PARD3: variants seen among roughly 807,000 people sequenced by gnomAD.
PARD3 encodes the protein partitioning defective 3 homolog.
PARD3 carries 75 observed loss-of-function variants against 155.4 expected under a neutral mutation model. The observed-to-expected ratio is 0.48, with a 90% CI of 0.40 to 0.58. The LOEUF is 0.58. PARD3 is among the 20% of genes least tolerant of loss of function. The probability of loss-of-function intolerance (pLI) is 0.00; values close to 1 mark genes in which losing one functional copy is unlikely to be tolerated. For synonymous variants in PARD3, 576 were observed against 610.5 expected (o/e 0.94, Z 0.83); for missense variants, 1,642 against 1,721.7 (o/e 0.95, Z 0.82).
In PARD3 at chr10:34,457,346, G is replaced by A. The variant is rs141864731; in HGVS notation, c.583-6898C>T. 3.8e-3 allele frequency among the ~76,000 whole-genome samples: 579 copies of A among 152,284 alleles called. 2 individuals are homozygous for A. Among genetic ancestry groups the A allele is most frequent in the African/African-American group, 0.013 (542 of 41,558 alleles). ...GACCAGCAAAACTCAACCACATCCAGGATGCTCGTTTGAACCAATTTTCTC... is the reference window on the plus strand; with the variant it reads ...GACCAGCAAAACTCAACCACATCCAAGATGCTCGTTTGAACCAATTTTCTC... On this transcript the variant is annotated intron_variant, in intron 4 of 24. Coordinates refer to ENST00000374788, the MANE Select transcript of PARD3 (RefSeq NM_001184785.2).
chr10:34,688,637 C>A (rs2093993335), intron 2 of PARD3, among the ~76,000 whole-genome samples: 1 of 152,134 alleles, frequency 6.6e-6, no homozygotes. Context: ...GAAAATCAAA[C>A]CTACTCCAAG....
At chr10:34,366,023 T>C (rs1328850980) in intron 12 of PARD3, among the ~76,000 whole-genome samples, 1 of 152,244 alleles carries the variant, frequency 6.6e-6, no homozygotes, top group Non-Finnish European at 1.5e-5. Context: ...TACACATGAC[T>C]GAATTTTCTA....
intron 2 of PARD3, among the ~76,000 whole-genome samples, chr10:34,637,156 T>C (rs2092507243): frequency 6.6e-6 from 1 of 152,244 alleles, no homozygotes; most frequent in Non-Finnish European, 1.5e-5. Context: ...AAAATAAACC[T>C]GTTAGCCAGG....
chr10:34,776,356 T>TA (rs1456385604), intron 1 of PARD3, among the ~76,000 whole-genome samples: 4 of 152,146 alleles, frequency 2.6e-5, no homozygotes, highest in Non-Finnish European at 5.9e-5. Flanking sequence ...GACACTAACA[T>TA]ACGACAATCT....
intron 1 of PARD3, among the ~76,000 whole-genome samples, chr10:34,712,068 G>A (rs1341111373): frequency 6.6e-6 from 1 of 152,154 alleles, no homozygotes; most frequent in African/African-American, 2.4e-5. Flanking sequence ...GTGAGCTTAA[G>A]CCCCGATAAA....
chr10:34,598,678 T>C (rs1316788618), intron 2 of PARD3, among the ~76,000 whole-genome samples: 1 of 152,176 alleles, frequency 6.6e-6, no homozygotes, highest in Non-Finnish European at 1.5e-5. Flanking sequence ...CATTACCAAA[T>C]ACATTTGAAA....
Position 34,788,536 on chromosome 10 carries a change from G to A in PARD3, c.120+26340C>T, listed in dbSNP as rs576719705. ...ACGATCGCGGCTCACTGCAAACTCC[G>A]CCTCCTGGGTTCAAGTGATTCTCCT... On this transcript the variant is annotated intron_variant, in intron 1 of 24. Coordinates refer to ENST00000374788, the MANE Select transcript of PARD3 (RefSeq NM_001184785.2). Among the ~76,000 whole-genome samples, 6 of 150,222 alleles carry A rather than the reference G, an allele frequency of 4.0e-5. 1 individual carries two copies. Among genetic ancestry groups the A allele is most frequent in the Admixed American group, 2.7e-4 (4 of 14,992 alleles).
In PARD3 at chr10:34,804,280, G is replaced by A. The variant is rs182569352; in HGVS notation, c.120+10596C>T. ...TTGAACTCCTGGCCTCAAGTGATCC[G>A]CCCACCTTGGCCTCCCAAAGTGCTG... On this transcript the variant is annotated intron_variant, in intron 1 of 24. Transcript: ENST00000374788. 1.4e-4 allele frequency among the ~76,000 whole-genome samples: 22 copies of A among 152,192 alleles called. No individual in the cohort carries two copies. The East Asian group carries it at 3.1e-3, about 21-fold the overall frequency.
At chr10:34,780,392 T>TAAGGAA (rs1194492626) in intron 1 of PARD3, among the ~76,000 whole-genome samples, 1 of 152,234 alleles carries the variant, frequency 6.6e-6, no homozygotes, top group Non-Finnish European at 1.5e-5. Flanking sequence ...AATAACAATT[T>TAAGGAA]ACATAATAAG....
At chr10:34,152,352 C>T (rs1948818122) in intron 22 of PARD3, among the ~76,000 whole-genome samples, 1 of 152,176 alleles carries the variant, frequency 6.6e-6, no homozygotes, top group South Asian at 2.1e-4. Flanking sequence ...TAGTCTACTA[C>T]CCAGCTAGGC....
chr10:34,300,957 T>C (rs1957118518), intron 20 of PARD3, among the ~76,000 whole-genome samples: 1 of 152,226 alleles, frequency 6.6e-6, no homozygotes, highest in Admixed American at 6.5e-5. Flanking sequence ...TGTTAAGTAC[T>C]TACAAATTAA....
At chr10:34,775,580 C>T (rs1292124335) in intron 1 of PARD3, among the ~76,000 whole-genome samples, 2 of 152,176 alleles carry the variant, frequency 1.3e-5, no homozygotes, top group Admixed American at 6.5e-5. Flanking sequence ...GAATGCAAGG[C>T]TGCCAGTTCA....
chr10:34,461,503 G>A (rs147345360), intron 4 of PARD3, among the ~76,000 whole-genome samples: 45 of 152,264 alleles, frequency 3.0e-4, no homozygotes, highest in African/African-American at 7.5e-4. Flanking sequence ...CTACTGGGGG[G>A]GCTGAGGCAG....
At chr10:34,611,503 G>A (rs1462597458) in intron 2 of PARD3, among the ~76,000 whole-genome samples, 2 of 152,224 alleles carry the variant, frequency 1.3e-5, no homozygotes, top group East Asian at 3.9e-4. Flanking sequence ...GTAATTTCGG[G>A]ATTTTCTGAT....
intron 16 of PARD3, among the ~76,000 whole-genome samples, chr10:34,339,475 C>A (rs1174600734): frequency 2.0e-5 from 3 of 152,078 alleles, no homozygotes; most frequent in Non-Finnish European, 2.9e-5. Context: ...AAAGATTTTT[C>A]AAAGAAATAC....
chr10:34,152,345 T>A (rs1948817611), intron 22 of PARD3, among the ~76,000 whole-genome samples: 1 of 152,228 alleles, frequency 6.6e-6, no homozygotes. Context: ...GATGATGTAG[T>A]CTACTACCCA....
In PARD3 at chr10:34,483,111, G is replaced by A. The variant is rs576363555; in HGVS notation, c.404-12848C>T. On this transcript the variant is annotated intron_variant, in intron 3 of 24. Transcript: ENST00000374788. ...GCAGAGGTTTCGGTGAGCCAAGATC[G>A]CACCACTGCACCCCAGCCTGGGCAA... Among the ~76,000 whole-genome samples, 10 of 152,150 alleles carry A rather than the reference G, an allele frequency of 6.6e-5. 1 individual carries two copies. The South Asian group carries it at 2.1e-3, about 32-fold the overall frequency.
chr10:34,283,479 C>T (rs927824199), intron 21 of PARD3, among the ~76,000 whole-genome samples: 7 of 152,074 alleles, frequency 4.6e-5, no homozygotes, highest in Non-Finnish European at 1.0e-4. Context: ...CTTAGAAAAA[C>T]GGTTTTCGAG....
At chr10:34,346,447 T>G in intron 15 of PARD3, 1 of 1,348,934 alleles carries the variant, frequency 7.4e-7, no homozygotes, top group Non-Finnish European at 9.9e-7. Context: ...AAGTCCTATG[T>G]TCCTATAATA....
Sources: gnomAD v4.1 joint callset for allele counts (sites outside exome capture counted in the v4.1 genomes callset) on GRCh38, gnomAD v4.1.1 for gene constraint, MANE v1.5 for transcripts, NCBI Gene and HGNC (gene_info 2026-07-23, HGNC 2026-07-21) for gene names.